TMEM135: variants seen among roughly 807,000 people sequenced by gnomAD.
TMEM135 encodes transmembrane protein 135, also known as peroxisomal membrane protein 52.
TMEM135 carries 30 observed loss-of-function variants against 60.3 expected under a neutral mutation model. The observed-to-expected ratio is 0.50, with a 90% CI of 0.37 to 0.68. The LOEUF (loss-of-function observed/expected upper bound fraction) is 0.68. Ranked by LOEUF, TMEM135 falls within the 30% of genes least tolerant of loss-of-function variation. TMEM135 has a pLI of 0.00. For synonymous variants in TMEM135, 190 were observed against 186.7 expected, an observed-to-expected ratio of 1.02 and a Z score of -0.14; for missense variants, 468 against 548.8, an observed-to-expected ratio of 0.85 and a Z score of 1.47.
At chr11:87,245,322 AT>A (rs572629840) in intron 6 of TMEM135, among the ~76,000 whole-genome samples, 70 of 135,566 alleles carry the variant, frequency 5.2e-4, no homozygotes, top group African/African-American at 1.8e-3. Flanking sequence ...AAAAATATAT[AT>A]TCTGTTGATT....
At chr11:87,040,711 A>G (rs1044305382) in intron 1 of TMEM135, among the ~76,000 whole-genome samples, 2 of 151,624 alleles carry the variant, frequency 1.3e-5, no homozygotes, top group African/African-American at 4.8e-5. Flanking sequence ...TCTCAGCTCT[A>G]TCATTTACCA....
intron 4 of TMEM135, among the ~76,000 whole-genome samples, chr11:87,107,627 C>T (rs531089520): frequency 2.4e-4 from 37 of 152,162 alleles, no homozygotes; most frequent in African/African-American, 6.0e-4. Flanking sequence ...TATTCCATGG[C>T]GTGTATGTGC....
intron 1 of TMEM135, among the ~76,000 whole-genome samples, chr11:87,046,588 A>G (rs1477734695): frequency 1.3e-5 from 2 of 152,208 alleles, no homozygotes; most frequent in African/African-American, 4.8e-5. Flanking sequence ...CCAGTGCGGT[A>G]TGTAAGTGGA....
chr11:87,064,076 C>T (rs531665619), intron 1 of TMEM135, among the ~76,000 whole-genome samples: 5 of 152,192 alleles, frequency 3.3e-5, no homozygotes, highest in African/African-American at 9.6e-5. Context: ...TTTATATTGT[C>T]ATGAGCAATA....
rs1205721908 is a variant in TMEM135, at chr11:87,210,483, A to G, written c.463-26155A>G. The stretch of plus-strand genomic sequence containing the variant: ...AACCAAGAAGAAATTAAAATCCTGA[A>G]CATACTGATGATGAGTTCCCAAAAT... On this transcript the variant is annotated intron_variant, in intron 5 of 14. Coordinates refer to ENST00000305494, the MANE Select transcript of TMEM135 (RefSeq NM_022918.4). Among the ~76,000 whole-genome samples the G allele has an allele frequency of 2.6e-5, 4 of 152,182 alleles. No individual in the cohort carries two copies. The East Asian group carries it at 7.7e-4, about 29-fold the overall frequency.
chr11:87,111,590 G>A (rs1857749147), intron 4 of TMEM135, among the ~76,000 whole-genome samples: 2 of 149,544 alleles, frequency 1.3e-5, no homozygotes, highest in Non-Finnish European at 3.0e-5. Flanking sequence ...GGTGGAGCTT[G>A]CAGTGAGCTG....
chr11:87,317,062 A>G (rs925517589), intron 12 of TMEM135, among the ~76,000 whole-genome samples: 2 of 151,986 alleles, frequency 1.3e-5, no homozygotes, highest in African/African-American at 4.8e-5. Context: ...GTTTTCTAGG[A>G]ACCTCTGAGT....
At chr11:87,245,660 A>G (rs1283842791) in intron 6 of TMEM135, among the ~76,000 whole-genome samples, 1 of 134,920 alleles carries the variant, frequency 7.4e-6, no homozygotes, top group Non-Finnish European at 1.6e-5. Flanking sequence ...TTTATCAGAG[A>G]CTAGGATTGC....
At chr11:87,157,655 A>G (rs1938738453) in intron 5 of TMEM135, 1 of 390,958 alleles carries the variant, frequency 2.6e-6, no homozygotes, top group Non-Finnish European at 4.6e-6. Context: ...TTAAAAAATG[A>G]CATTTTATTA....
intron 6 of TMEM135, among the ~76,000 whole-genome samples, chr11:87,272,259 T>C (rs1941883368): frequency 6.6e-6 from 1 of 151,754 alleles, no homozygotes; most frequent in Non-Finnish European, 1.5e-5. Flanking sequence ...TTTCACCAGG[T>C]TGGTCAGACT....
At chr11:87,182,038 A>G (rs1343199470) in intron 5 of TMEM135, among the ~76,000 whole-genome samples, 1 of 151,726 alleles carries the variant, frequency 6.6e-6, no homozygotes, top group Admixed American at 6.6e-5. Flanking sequence ...AAGTGTAAGA[A>G]AAAGAACTTG....
intron 6 of TMEM135, among the ~76,000 whole-genome samples, chr11:87,268,729 CTTTA>C (rs1218262914): frequency 1.3e-5 from 2 of 151,398 alleles, no homozygotes. Flanking sequence ...TGTTGATATT[CTTTA>C]TTTGTTTTGT....
intron 6 of TMEM135, among the ~76,000 whole-genome samples, chr11:87,266,031 C>G (rs1332017389): frequency 2.6e-5 from 4 of 152,094 alleles, no homozygotes; most frequent in African/African-American, 7.2e-5. Flanking sequence ...TTATTCATGA[C>G]TCACAGTAAT....
At chr11:87,057,786 CAG>C (rs1193750957) in intron 1 of TMEM135, among the ~76,000 whole-genome samples, 6 of 147,916 alleles carry the variant, frequency 4.1e-5, no homozygotes, top group Non-Finnish European at 7.4e-5. Context: ...TTCAAAGAAA[CAG>C]AAGCCTCTGT....
At chr11:87,248,013 G>C (rs1263111306) in intron 6 of TMEM135, among the ~76,000 whole-genome samples, 1 of 96,840 alleles carries the variant, frequency 1.0e-5, no homozygotes, top group Non-Finnish European at 2.3e-5. Flanking sequence ...CAGCTTGATA[G>C]CCTTTTTAAA....
At chr11:87,128,228 C>T (rs575589610) in intron 4 of TMEM135, among the ~76,000 whole-genome samples, 1 of 152,238 alleles carries the variant, frequency 6.6e-6, no homozygotes, top group East Asian at 1.9e-4. Flanking sequence ...CCCCCTTTTT[C>T]CTAGTCTTAA....
At chr11:87,109,880 T>A (rs768480861) in intron 4 of TMEM135, among the ~76,000 whole-genome samples, 7 of 152,206 alleles carry the variant, frequency 4.6e-5, no homozygotes, top group Non-Finnish European at 7.3e-5. Context: ...TGGTGGATTT[T>A]AAATTTTTCT....
intron 4 of TMEM135, among the ~76,000 whole-genome samples, chr11:87,115,682 T>C (rs1189978923): frequency 6.6e-6 from 1 of 152,154 alleles, no homozygotes. Context: ...ATGATTCACC[T>C]TTTTAGAGAG....
intron 1 of TMEM135, among the ~76,000 whole-genome samples, chr11:87,063,663 GCTAA>G (rs1949970289): frequency 6.6e-6 from 1 of 152,166 alleles, no homozygotes; most frequent in Non-Finnish European, 1.5e-5. Flanking sequence ...GTCTGGCCTG[GCTAA>G]CTAGACTACT....
Sources: allele counts gnomAD v4.1 joint callset (sites outside exome capture counted in the v4.1 genomes callset), GRCh38; gene constraint gnomAD v4.1.1; transcripts MANE v1.5; gene names NCBI Gene and HGNC (gene_info 2026-07-23, HGNC 2026-07-21).